Variants in PIWIL1 observed in about 807,000 individuals in gnomAD.
The protein encoded by PIWIL1 is piwi like RNA-mediated gene silencing 1.
Under a neutral mutation model 114.4 loss-of-function variants are expected in PIWIL1, and 73 were observed. The ratio of observed to expected loss-of-function variants is 0.64; its 90% CI spans 0.53 to 0.78. The LOEUF (loss-of-function observed/expected upper bound fraction) is 0.78. Ranked by LOEUF, PIWIL1 falls within the 30% of genes least tolerant of loss-of-function variation. The pLI, the probability that PIWIL1 is intolerant of heterozygous loss-of-function variation, is 0.00. For synonymous variants in PIWIL1, 375 were observed against 369.0 expected, an observed-to-expected ratio of 1.02 and a Z score of -0.19; for missense variants, 723 against 1,063.1, an observed-to-expected ratio of 0.68 and a Z score of 4.45.
At chr12:130,381,481 G>T in the PIWIL1 span, among the ~76,000 whole-genome samples, 1 of 152,234 alleles carries the variant, frequency 6.6e-6, no homozygotes, top group Admixed American at 6.5e-5. Flanking sequence ...AGATTCCTCC[G>T]TGTCTTTGTG....
the PIWIL1 span, among the ~76,000 whole-genome samples, chr12:130,421,683 G>T: frequency 1.4e-5 from 2 of 138,490 alleles, no homozygotes; most frequent in African/African-American, 5.6e-5. Context: ...AGTTCTCCCT[G>T]CATTTATATG....
the PIWIL1 span, chr12:130,399,005 G>GTATC: frequency 4.3e-6 from 2 of 465,434 alleles, no homozygotes; most frequent in African/African-American, 4.1e-5. Context: ...ATATTTCTTT[G>GTATC]TATCTTTTTT....
the PIWIL1 span, among the ~76,000 whole-genome samples, chr12:130,390,389 G>C: frequency 5.3e-5 from 8 of 152,184 alleles, no homozygotes; most frequent in Non-Finnish European, 1.0e-4. Flanking sequence ...TAGAGATGGT[G>C]TCTCCCTTCA....
the PIWIL1 span, chr12:130,383,614 T>C: frequency 6.6e-6 from 1 of 152,156 alleles, no homozygotes; most frequent in Non-Finnish European, 1.5e-5. Context: ...CACTCCAGAT[T>C]GGGGCGCTTT....
chr12:130,422,733 A>T, the PIWIL1 span, among the ~76,000 whole-genome samples: 1 of 152,158 alleles, frequency 6.6e-6, no homozygotes, highest in Admixed American at 6.5e-5. This position sits in a 1 kb window ranked among gnomAD's most constrained non-coding sequence, Gnocchi z 5.2. Context: ...GGGCACCAGC[A>T]CCCCACTGTC....
chr12:130,405,091 T>A, the PIWIL1 span, among the ~76,000 whole-genome samples: 16 of 152,184 alleles, frequency 1.1e-4, no homozygotes, highest in African/African-American at 3.4e-4. Context: ...ATGAGGTGAT[T>A]ATTTCTATCA....
chr12:130,388,374 A>G, the PIWIL1 span, among the ~76,000 whole-genome samples: 2 of 152,232 alleles, frequency 1.3e-5, no homozygotes, highest in East Asian at 3.8e-4. Context: ...TAGTTGATCT[A>G]TCCCAGTATC....
the PIWIL1 span, among the ~76,000 whole-genome samples, chr12:130,416,483 C>G: frequency 0.094 from 14,315 of 152,236 alleles, 776 homozygotes; most frequent in South Asian, 0.2. Flanking sequence ...AAAGGACTCC[C>G]CATTCAATAA....
chr12:130,366,044 T>C (rs891771136), intron 18 of PIWIL1, among the ~76,000 whole-genome samples: 2 of 152,206 alleles, frequency 1.3e-5, no homozygotes, highest in Non-Finnish European at 2.9e-5. Context: ...ATCAGCAACA[T>C]TGCCGAGTCA....
At chr12:130,393,298 C>T in the PIWIL1 span, among the ~76,000 whole-genome samples, 1 of 149,654 alleles carries the variant, frequency 6.7e-6, no homozygotes, top group African/African-American at 2.5e-5. Flanking sequence ...CGTCAGTTAC[C>T]TGGTGAATAT....
intron 18 of PIWIL1, among the ~76,000 whole-genome samples, chr12:130,364,550 G>C (rs528425623): frequency 2.6e-5 from 4 of 152,204 alleles, no homozygotes; most frequent in Non-Finnish European, 5.9e-5. Context: ...TTGTGTTTCA[G>C]ATTAAAAGAC....
the PIWIL1 span, among the ~76,000 whole-genome samples, chr12:130,392,339 A>G: frequency 2.5e-4 from 27 of 109,884 alleles, no homozygotes; most frequent in Non-Finnish European, 5.0e-4. Flanking sequence ...TACCTGGTGA[A>G]TATTGAATGT....
chr12:130,340,252 A>G (rs1463982434), intron 1 of PIWIL1, among the ~76,000 whole-genome samples: 1 of 151,948 alleles, frequency 6.6e-6, no homozygotes, highest in Non-Finnish European at 1.5e-5. Flanking sequence ...ATTGATAGTG[A>G]TAGGAAGCAA....
the PIWIL1 span, among the ~76,000 whole-genome samples, chr12:130,416,838 C>T: frequency 5.3e-5 from 8 of 152,008 alleles, no homozygotes; most frequent in East Asian, 9.7e-4. Flanking sequence ...GTCTAGTGTC[C>T]GGAATCTGCA....
chr12:130,346,340 T>G (rs2136134838), intron 4 of PIWIL1, 30 bp from the exon 5 acceptor site: 1 of 1,515,610 alleles, frequency 6.6e-7, no homozygotes, highest in Middle Eastern at 1.7e-4. Flanking sequence ...ACTTGATATT[T>G]TGTTAATTGA....
chr12:130,343,261 A>T (rs2072974930), intron 3 of PIWIL1, among the ~76,000 whole-genome samples, 160 bp downstream of exon 3: 1 of 152,254 alleles, frequency 6.6e-6, no homozygotes, highest in African/African-American at 2.4e-5. Context: ...AAAATACTTA[A>T]ATATAATTTC....
In PIWIL1 at chr12:130,342,661, T is replaced by C. The variant is rs74472943; in HGVS notation, c.70T>C (p.Ser24Pro). The C allele has an allele frequency of 1.1e-5, 17 of 1,611,654 alleles. No individual in the cohort carries two copies. The East Asian group carries it at 3.6e-4, about 34-fold the overall frequency. Reference sequence around the variant, plus strand: ...TCAGGAGACAGCGCAGCTGGTGGGCTCCACTGCCGTGAGTGCTTCACCGTT... The same window carrying C: ...TCAGGAGACAGCGCAGCTGGTGGGCCCCACTGCCGTGAGTGCTTCACCGTT... The part of the protein sequence containing the change: ...RGQETAQLVG[S>P]TASQQPGYIQ... The change falls in exon 2 of 21, where the codon TCC (serine) becomes CCC (proline). Residue 24 changes from serine (S) to proline (P), a missense_variant. By Grantham distance (74) the Ser-to-Pro change is moderately conservative. Around this residue, in one of 8 missense-constraint regions of PIWIL1, gnomAD observed 91 missense variants for 76.2 expected, o/e 1.19. Coordinates refer to ENST00000245255, the MANE Select transcript of PIWIL1 (RefSeq NM_004764.5).
At chr12:130,391,417 C>T in the PIWIL1 span, among the ~76,000 whole-genome samples, 1 of 152,206 alleles carries the variant, frequency 6.6e-6, no homozygotes, top group Non-Finnish European at 1.5e-5. Flanking sequence ...AAATTAGAGG[C>T]AGCTGTTTTG....
the PIWIL1 span, among the ~76,000 whole-genome samples, chr12:130,415,450 T>A: frequency 6.6e-6 from 1 of 152,222 alleles, no homozygotes; most frequent in East Asian, 1.9e-4. Context: ...AATATCATAT[T>A]GAACAGGCAA....
Sources: allele counts gnomAD v4.1 joint callset (sites outside exome capture counted in the v4.1 genomes callset), GRCh38; gene constraint gnomAD v4.1.1; regional missense constraint gnomAD v4.1.1; non-coding constraint Gnocchi (gnomAD v3.1); transcripts MANE v1.5; gene names NCBI Gene and HGNC (gene_info 2026-07-23, HGNC 2026-07-21).